The following UCHL5 variants were observed in gnomAD, a reference collection of about 807,000 sequenced individuals.
The protein encoded by UCHL5 is ubiquitin C-terminal hydrolase L5, also known as ubiquitin carboxyl-terminal hydrolase isozyme L5.
UCHL5 carries 34 observed loss-of-function variants against 53.8 expected under a neutral mutation model. The ratio of observed to expected loss-of-function variants is 0.63; its 90% confidence interval spans 0.48 to 0.84. The LOEUF is 0.84. UCHL5 is among the 40% of genes least tolerant of loss of function. UCHL5 has a pLI of 0.00. For missense variants in UCHL5, 290 were observed against 385.6 expected (o/e 0.75, Z 2.08); for synonymous variants, 111 against 126.3 (o/e 0.88, Z 0.81).
intron 3 of UCHL5, among the ~76,000 whole-genome samples, chr1:193,044,716 CCA>C (rs1666822677): frequency 1.3e-5 from 2 of 152,008 alleles, no homozygotes; most frequent in African/African-American, 2.4e-5. Context: ...TGAAAATACT[CCA>C]GACATCCTGG....
chr1:193,058,568 C>G (rs142042505), intron 1 of UCHL5, among the ~76,000 whole-genome samples: 15 of 152,380 alleles, frequency 9.8e-5, no homozygotes, highest in African/African-American at 3.4e-4. Flanking sequence ...AGAACACTAG[C>G]TCAAGAAAAC....
At chr1:193,022,429 A>C (rs1657398045) in intron 9 of UCHL5, among the ~76,000 whole-genome samples, 2 of 152,034 alleles carry the variant, frequency 1.3e-5, no homozygotes, top group Admixed American at 1.3e-4. Context: ...GGAGGCTGAG[A>C]CGGGCAGATC....
upstream of UCHL5, chr1:193,059,821 C>T (rs780181011): frequency 9.4e-5 from 128 of 1,357,560 alleles, no homozygotes; most frequent in Non-Finnish European, 1.2e-4. This position sits in a 1 kb window ranked among gnomAD's most constrained non-coding sequence, Gnocchi z 4.9. Context: ...TTGTGCGGCC[C>T]CAGGGACGCG....
chr1:193,025,507 A>T (rs1658841380), intron 7 of UCHL5, among the ~76,000 whole-genome samples: 1 of 152,186 alleles, frequency 6.6e-6, no homozygotes, highest in African/African-American at 2.4e-5. Context: ...CTTCAGTATG[A>T]GTGGAAAGCA....
chr1:193,031,442 C>T (rs999289685), intron 3 of UCHL5, among the ~76,000 whole-genome samples: 3 of 152,004 alleles, frequency 2.0e-5, no homozygotes, highest in Non-Finnish European at 4.4e-5. Context: ...AGAAAAAATT[C>T]TTGTGGTTAC....
At chr1:193,038,909 T>C (rs1312690923) in intron 3 of UCHL5, among the ~76,000 whole-genome samples, 2 of 151,424 alleles carry the variant, frequency 1.3e-5, no homozygotes, top group Non-Finnish European at 2.9e-5. Flanking sequence ...GGCAGGAGGA[T>C]TGCTTGAGCC....
chr1:193,020,574 A>G, intron 10 of UCHL5: 1 of 1,165,892 alleles, frequency 8.6e-7, no homozygotes, highest in Non-Finnish European at 1.1e-6. Flanking sequence ...TTATTCAACA[A>G]ATATTTTATT....
chr1:193,040,756 T>A (rs1031208564), intron 3 of UCHL5, among the ~76,000 whole-genome samples: 1 of 152,174 alleles, frequency 6.6e-6, no homozygotes, highest in Non-Finnish European at 1.5e-5. Flanking sequence ...TGTCCATCAA[T>A]GGATGAATGG....
At chr1:193,028,274 TTTAGTA>T in intron 6 of UCHL5, 126 bp from the exon 7 acceptor site, 1 of 688,588 alleles carries the variant, frequency 1.5e-6, no homozygotes, top group Non-Finnish European at 2.3e-6. Context: ...TAAAACTCTT[TTTAGTA>T]TAATTATGTT....
intron 3 of UCHL5, among the ~76,000 whole-genome samples, chr1:193,047,842 T>C (rs948278963): frequency 1.3e-5 from 2 of 152,186 alleles, no homozygotes; most frequent in African/African-American, 4.8e-5. Flanking sequence ...ACTGGTGGTA[T>C]TTTAGCATGA....
intron 3 of UCHL5, among the ~76,000 whole-genome samples, chr1:193,035,426 G>A (rs979912798): frequency 1.2e-4 from 18 of 151,590 alleles, no homozygotes; most frequent in African/African-American, 4.4e-4. Flanking sequence ...AGGCCAGGAG[G>A]GAGTGGGATG....
chr1:193,055,236 CT>C (rs143526369), intron 1 of UCHL5, among the ~76,000 whole-genome samples: 1 of 151,904 alleles, frequency 6.6e-6, no homozygotes, highest in East Asian at 1.9e-4. Flanking sequence ...GAGACAGCAC[CT>C]TTTTTTTGAG....
At chr1:193,016,851 T>C (rs558260256) in intron 10 of UCHL5, among the ~76,000 whole-genome samples, 100 of 151,912 alleles carry the variant, frequency 6.6e-4, no homozygotes, top group Non-Finnish European at 1.1e-3. Context: ...GGATTATGTA[T>C]CCTTGGTGTC....
chr1:193,029,346 CAAAG>C (rs768746695), intron 5 of UCHL5, 37 bp from the exon 6 acceptor site: 8 of 1,612,970 alleles, frequency 5.0e-6, no homozygotes, highest in South Asian at 3.3e-5. Flanking sequence ...CTCAAAGAAG[CAAAG>C]AAAGAAACAG....
At chr1:193,019,407 C>A (rs1251047987) in intron 10 of UCHL5, among the ~76,000 whole-genome samples, 1 of 151,616 alleles carries the variant, frequency 6.6e-6, no homozygotes, top group Non-Finnish European at 1.5e-5. Context: ...TAATTTAAAA[C>A]ATTTCAACAA....
At chr1:193,033,352 G>C (rs1662183726) in intron 3 of UCHL5, among the ~76,000 whole-genome samples, 1 of 152,026 alleles carries the variant, frequency 6.6e-6, no homozygotes, top group Non-Finnish European at 1.5e-5. Flanking sequence ...ACAGGGAGGG[G>C]AACATCACAC....
intron 3 of UCHL5, among the ~76,000 whole-genome samples, chr1:193,046,862 T>A (rs1289352779): frequency 6.6e-6 from 1 of 151,602 alleles, no homozygotes; most frequent in African/African-American, 2.4e-5. Context: ...ATATTTTGCA[T>A]AATAATCCAA....
chr1:193,019,972 C>G (rs1183509411), intron 10 of UCHL5: 1 of 983,928 alleles, frequency 1.0e-6, no homozygotes, highest in African/African-American at 1.7e-5. Flanking sequence ...TTAATAACAT[C>G]ATATCTAGGT....
chr1:193,020,335 C>T (rs1656494682), intron 10 of UCHL5: 15 of 1,546,416 alleles, frequency 9.7e-6, no homozygotes, highest in Non-Finnish European at 1.2e-5. Flanking sequence ...AGTTAATGGT[C>T]CAAAATTTTA....
Sources: gnomAD v4.1 joint callset for allele counts (sites outside exome capture counted in the v4.1 genomes callset) on GRCh38, gnomAD v4.1.1 for gene constraint, Gnocchi (gnomAD v3.1) non-coding constraint, MANE v1.5 for transcripts, NCBI Gene and HGNC (gene_info 2026-07-23, HGNC 2026-07-21) for gene names.